The following SLC28A1 variants were observed in gnomAD, a reference collection of about 807,000 sequenced individuals.
The protein encoded by SLC28A1 is sodium/nucleoside cotransporter 1.
A neutral mutation model predicts 74.8 loss-of-function variants in SLC28A1; 64 were observed. The ratio of observed to expected loss-of-function variants is 0.86; its 90% CI spans 0.70 to 1.05. SLC28A1 has a LOEUF of 1.05. Among genes scored for constraint, SLC28A1 ranks in the 50% least tolerant of loss-of-function variants. The probability of loss-of-function intolerance (pLI) is 0.00; values close to 1 mark genes in which losing one functional copy is unlikely to be tolerated. For synonymous variants in SLC28A1, 359 were observed against 335.0 expected, an observed-to-expected ratio of 1.07 and a Z score of -0.78; for missense variants, 828 against 822.8, an observed-to-expected ratio of 1.01 and a Z score of -0.08.
At chr15:84,925,834 A>G (rs1051790023) in intron 12 of SLC28A1, among the ~76,000 whole-genome samples, 1 of 152,082 alleles carries the variant, frequency 6.6e-6, no homozygotes, top group African/African-American at 2.4e-5. Context: ...CACAAATTAT[A>G]AAAAGATATT....
chr15:84,911,456 A>G (rs1369929405), intron 9 of SLC28A1, among the ~76,000 whole-genome samples: 1 of 152,206 alleles, frequency 6.6e-6, no homozygotes, highest in African/African-American at 2.4e-5. Context: ...CCTCCACTGG[A>G]CTTCTGGTTA....
At chr15:84,966,587 C>A in the SLC28A1 span, among the ~76,000 whole-genome samples, 1 of 152,198 alleles carries the variant, frequency 6.6e-6, no homozygotes, top group South Asian at 2.1e-4. Flanking sequence ...TGAGACTGGG[C>A]AATTTACAAA....
chr15:84,922,717 C>T (rs1311434562), intron 11 of SLC28A1, among the ~76,000 whole-genome samples: 1 of 152,272 alleles, frequency 6.6e-6, no homozygotes, highest in Admixed American at 6.5e-5. Context: ...CACCTGCCCC[C>T]TCTGCCTCTG....
chr15:84,891,784 A>C lies in SLC28A1; in HGVS notation c.277+1250A>C, dbSNP rs141181635. Among the ~76,000 whole-genome samples, 629 of 152,286 alleles carry C rather than the reference A, an allele frequency of 4.1e-3. 5 individuals are homozygous for C. The highest frequency in any genetic ancestry group is 4.9e-3 in the Non-Finnish European group (331 of 68,014). On this transcript the variant is annotated intron_variant, in intron 5 of 18. Transcript: ENST00000394573. ...GCAAGTGTAAATGGCTTTTTGGATC[A>C]ATTTTTATGAGATCAGGCGGGGAGG...
At chr15:84,961,319 G>A in the SLC28A1 span, among the ~76,000 whole-genome samples, 1 of 151,540 alleles carries the variant, frequency 6.6e-6, no homozygotes, top group Non-Finnish European at 1.5e-5. Context: ...CTCATTCTGT[G>A]AGTGAGAGAG....
At chr15:84,923,326 G>A (rs1410313930) in intron 11 of SLC28A1, among the ~76,000 whole-genome samples, 4 of 150,716 alleles carry the variant, frequency 2.7e-5, no homozygotes, top group Non-Finnish European at 5.9e-5. Context: ...TTGCTTACCT[G>A]CTTGGTTGCT....
the SLC28A1 span, among the ~76,000 whole-genome samples, chr15:84,971,576 AT>A: frequency 6.6e-6 from 1 of 152,108 alleles, no homozygotes; most frequent in Admixed American, 6.6e-5. Flanking sequence ...CCAGAACCAG[AT>A]GCTGGTGCCA....
chr15:84,895,640 A>G (rs967947237), intron 6 of SLC28A1: 2 of 1,444,706 alleles, frequency 1.4e-6, no homozygotes, highest in Non-Finnish European at 9.1e-7. Flanking sequence ...ACAGGGCAGG[A>G]GAGGGAGGTT....
At chr15:84,903,092 T>C (rs531826666) in intron 6 of SLC28A1, among the ~76,000 whole-genome samples, 132 of 152,338 alleles carry the variant, frequency 8.7e-4, no homozygotes, top group Non-Finnish European at 1.5e-3. Flanking sequence ...AGAGGTACAG[T>C]TGGCACAAAA....
At chr15:84,902,406 G>A (rs760557771) in intron 6 of SLC28A1, among the ~76,000 whole-genome samples, 33 of 152,038 alleles carry the variant, frequency 2.2e-4, no homozygotes, top group Non-Finnish European at 4.0e-4. Flanking sequence ...CTTAAACCCC[G>A]GAGGTGGAGG....
At chr15:84,904,480 A>G (rs1966861947) in intron 7 of SLC28A1, among the ~76,000 whole-genome samples, 1 of 152,182 alleles carries the variant, frequency 6.6e-6, no homozygotes, top group South Asian at 2.1e-4. Context: ...CCTTGGTGAC[A>G]TGTCCTCTGG....
the SLC28A1 span, among the ~76,000 whole-genome samples, chr15:84,963,633 C>A: frequency 2.0e-5 from 3 of 152,192 alleles, no homozygotes; most frequent in Non-Finnish European, 1.5e-5. Context: ...AGCTGCCCCC[C>A]CGAGCCTGTC....
intron 12 of SLC28A1, among the ~76,000 whole-genome samples, chr15:84,930,614 C>CTTTTTT (rs10609233): frequency 2.9e-5 from 3 of 103,500 alleles, no homozygotes; most frequent in African/African-American, 8.3e-5. Context: ...CTGCCCTCTG[C>CTTTTTT]TTTTTTTTTT....
Position 84,886,690 on chromosome 15 carries a change from C to G in SLC28A1, c.-114C>G. On this transcript the variant is annotated 5_prime_UTR_variant, in exon 2 of 19. Coordinates refer to ENST00000394573, the MANE Select transcript of SLC28A1 (RefSeq NM_004213.5). Reference sequence around the variant, plus strand: ...TGCCCAGGAATTTCTGCTGAAGTGACAAGGCAAGCCAGAGCCAAAGCAGGT... The same window carrying G: ...TGCCCAGGAATTTCTGCTGAAGTGAGAAGGCAAGCCAGAGCCAAAGCAGGT... 1.0e-6 allele frequency: 1 copy of G among 985,528 alleles called. No individual in the cohort carries two copies. Among genetic ancestry groups the G allele is most frequent in the Non-Finnish European group, 1.2e-6 (1 of 829,972 alleles). The allele number at this position is 985,528 out of a possible 1,614,324, so 61.0% of individuals were successfully genotyped here.
At chr15:84,956,442 C>CCTTCCTTTCTTT in the SLC28A1 span, among the ~76,000 whole-genome samples, 2 of 124,568 alleles carry the variant, frequency 1.6e-5, no homozygotes, top group African/African-American at 3.4e-5. Context: ...TTCCTTCCTT[C>CCTTCCTTTCTTT]CTTTCTTTCT....
chr15:84,896,361 G>T (rs1054913159), intron 6 of SLC28A1, among the ~76,000 whole-genome samples: 9 of 152,214 alleles, frequency 5.9e-5, no homozygotes, highest in African/African-American at 2.2e-4. Context: ...TAGCCATCAT[G>T]GAAATGCAAA....
chr15:84,963,712 A>G, the SLC28A1 span, among the ~76,000 whole-genome samples: 6 of 152,180 alleles, frequency 3.9e-5, no homozygotes, highest in Non-Finnish European at 8.8e-5. Flanking sequence ...ACAGCAGCTG[A>G]GCCATGCAGA....
At chr15:84,889,413 G>A (rs1397384777) in intron 4 of SLC28A1, among the ~76,000 whole-genome samples, 5 of 152,138 alleles carry the variant, frequency 3.3e-5, no homozygotes, top group Non-Finnish European at 5.9e-5. Flanking sequence ...GGTGGTGGGG[G>A]AGGGATTCCG....
intron 1 of SLC28A1, chr15:84,886,200 T>G: frequency 1.0e-6 from 1 of 985,176 alleles, no homozygotes; most frequent in Non-Finnish European, 1.2e-6. Flanking sequence ...TTGACAGACC[T>G]GAAACACTTT....
Sources: gnomAD v4.1 joint callset for allele counts (sites outside exome capture counted in the v4.1 genomes callset) on GRCh38, gnomAD v4.1.1 for gene constraint, MANE v1.5 for transcripts, NCBI Gene and HGNC (gene_info 2026-07-23, HGNC 2026-07-21) for gene names.